Variants in IL3RA observed in about 807,000 individuals in gnomAD.
The protein encoded by IL3RA is interleukin 3 receptor subunit alpha, also known as interleukin-3 receptor subunit alpha.
In IL3RA, 73 loss-of-function variants were observed where a neutral mutation model predicts 52.3. That is an observed-to-expected ratio of 1.40 (90% CI 1.16 to 1.70). The LOEUF (loss-of-function observed/expected upper bound fraction) is 1.70. IL3RA is among the 40% of genes most tolerant of loss of function. IL3RA has a pLI of 0.00. For synonymous variants in IL3RA, 260 were observed against 194.0 expected (o/e 1.34, Z -2.83); for missense variants, 664 against 504.4 (o/e 1.32, Z -3.03).
At chrX:1,352,264 T>A in intron 5 of IL3RA, 32 bp downstream of exon 5, 1 of 1,613,210 alleles carries the variant, frequency 6.2e-7, no homozygotes, top group Non-Finnish European at 8.5e-7. Flanking sequence ...GGCCGGGCTG[T>A]CCCTGGTGCG....
At position 1,348,613 on chromosome X, in the gene IL3RA, G is replaced by C. The variant is rs73178940; in HGVS notation, c.298+68G>C. 28 of 983,610 alleles carry C rather than the reference G, an allele frequency of 2.8e-5. 1 individual carries two copies. The East Asian group carries it at 5.9e-4, about 21-fold the overall frequency. The allele number at this position is 983,610 out of a possible 1,614,324, so 60.9% of individuals were successfully genotyped here. ...CTCCTTCCCTCTCTCCCTCCCTCTC[G>C]CCTTCGCTGTGTCTTTTTTCTTTTC... On this transcript the variant is annotated intron_variant, in intron 4 of 11. Coordinates refer to ENST00000331035, the MANE Select transcript of IL3RA (RefSeq NM_002183.4).
intron 8 of IL3RA, among the ~76,000 whole-genome samples, chrX:1,364,669 G>A (rs1316584590): frequency 6.6e-6 from 1 of 151,504 alleles, no homozygotes; most frequent in African/African-American, 2.4e-5. Context: ...GTAAAGATGG[G>A]GTCTTGCTAT....
chrX:1,362,106 C>A (rs1202700336), intron 8 of IL3RA, among the ~76,000 whole-genome samples: 1 of 150,466 alleles, frequency 6.6e-6, no homozygotes, highest in Admixed American at 6.6e-5. Context: ...GTCCATCACC[C>A]ACTCTGTCTC....
At chrX:1,352,647 A>T (rs1169944573) in intron 6 of IL3RA, 141 bp downstream of exon 6, 1 of 911,184 alleles carries the variant, frequency 1.1e-6, no homozygotes, top group Admixed American at 2.7e-5. Context: ...GTTGGAGGTC[A>T]GCGTGCTGGC....
intron 4 of IL3RA, among the ~76,000 whole-genome samples, chrX:1,351,663 CTG>C (rs1368367438): frequency 7.1e-6 from 1 of 141,532 alleles, no homozygotes; most frequent in Non-Finnish European, 1.5e-5. Context: ...AAGGCTCACT[CTG>C]TCGCCCAGGC....
intron 2 of IL3RA, among the ~76,000 whole-genome samples, chrX:1,343,370 A>G (rs1204801244): frequency 6.6e-6 from 1 of 151,942 alleles, no homozygotes; most frequent in Non-Finnish European, 1.5e-5. Context: ...GTGATAGAAT[A>G]TTGCCTTTTA....
At chrX:1,377,360 C>T (rs1175713650) in intron 9 of IL3RA, among the ~76,000 whole-genome samples, 50 of 151,804 alleles carry the variant, frequency 3.3e-4, no homozygotes, top group African/African-American at 1.2e-3. Context: ...CCTGCCTCAG[C>T]CTTCTGAGTA....
intron 9 of IL3RA, among the ~76,000 whole-genome samples, chrX:1,369,838 T>C (rs1186222788): frequency 1.5e-3 from 51 of 33,222 alleles, no homozygotes; most frequent in East Asian, 1.6e-3. Context: ...GAAGAGGAGA[T>C]GAGGACACAG....
intron 4 of IL3RA, 88 bp downstream of exon 4, chrX:1,348,633 CTTT>C (rs1295961973): frequency 3.8e-6 from 3 of 789,630 alleles, no homozygotes; most frequent in Non-Finnish European, 6.2e-6. Flanking sequence ...TGTCTTTTTT[CTTT>C]TCTTTTTCTC....
intron 3 of IL3RA, among the ~76,000 whole-genome samples, chrX:1,345,788 C>G (rs2085717445): frequency 6.6e-6 from 1 of 151,948 alleles, no homozygotes; most frequent in Admixed American, 6.6e-5. Flanking sequence ...CCGCGCATGG[C>G]CCAGACTCTC....
At chrX:1,361,909 C>T (rs1313032950) in intron 8 of IL3RA, among the ~76,000 whole-genome samples, 5 of 151,958 alleles carry the variant, frequency 3.3e-5, no homozygotes, top group African/African-American at 1.2e-4. Context: ...TCTCACAACA[C>T]GTGGGAGTTA....
Position 1,382,660 on chromosome X carries a change from T to C in IL3RA, c.*195T>C, listed in dbSNP as rs1364977502. 1.7e-6 allele frequency: 1 copy of C among 593,204 alleles called. No individual in the cohort carries two copies. The highest frequency in any genetic ancestry group is 3.0e-6 in the Non-Finnish European group (1 of 331,308). The allele number at this position is 593,204 out of a possible 1,614,324, so 36.7% of individuals were successfully genotyped here. ...AACAGAACTTTGTGTGTTTATTTCA[T>C]GATAAAGTGATTTTTTTTTTTTTAA... On this transcript the variant is annotated 3_prime_UTR_variant, in exon 12 of 12. Transcript: ENST00000331035.
At chrX:1,361,717 C>A (rs1284833665) in intron 8 of IL3RA, among the ~76,000 whole-genome samples, 3 of 142,120 alleles carry the variant, frequency 2.1e-5, no homozygotes, top group Non-Finnish European at 1.5e-5. Flanking sequence ...CGCGCCACTG[C>A]ACTCCAGCCT....
At chrX:1,361,237 A>G (rs1449359779) in intron 8 of IL3RA, among the ~76,000 whole-genome samples, 1 of 144,552 alleles carries the variant, frequency 6.9e-6, no homozygotes, top group Non-Finnish European at 1.5e-5. Context: ...CTCTCCCATT[A>G]TTTCTCTGTG....
intron 3 of IL3RA, among the ~76,000 whole-genome samples, chrX:1,348,153 C>T (rs1428060502): frequency 6.6e-6 from 1 of 150,844 alleles, no homozygotes; most frequent in African/African-American, 2.5e-5. Flanking sequence ...TCGAGACCAG[C>T]CTGACCAACA....
At chrX:1,337,785 G>A (rs1254962147) in intron 1 of IL3RA, among the ~76,000 whole-genome samples, 1 of 143,848 alleles carries the variant, frequency 7.0e-6, no homozygotes, top group Admixed American at 7.0e-5. Context: ...AATATAATGT[G>A]GTCCAGCCAC....
rs868737495 is a variant in IL3RA, at chrX:1,344,903, C to T, written c.65-413C>T. On this transcript the variant is annotated intron_variant, in intron 2 of 11. Coordinates refer to ENST00000331035, the MANE Select transcript of IL3RA (RefSeq NM_002183.4). ...GTTGACCTGGTGCGGTGGCTCATGC[C>T]TGTAATCCCAGCACTTTGGGAGGCT... Among the ~76,000 whole-genome samples the T allele has an allele frequency of 1.3e-3, 189 of 146,828 alleles. 1 individual carries two copies. Among genetic ancestry groups the T allele is most frequent in the African/African-American group, 4.5e-3 (179 of 39,870 alleles).
At chrX:1,378,585 C>G (rs2088959105) in intron 9 of IL3RA, 74 bp from the exon 10 acceptor site, 3 of 1,325,884 alleles carry the variant, frequency 2.3e-6, no homozygotes, top group African/African-American at 2.9e-5. Flanking sequence ...TCCCAGGGCC[C>G]CGGGGAGAGC....
chrX:1,353,022 CT>C (rs1252925175), intron 6 of IL3RA, among the ~76,000 whole-genome samples: 15 of 141,070 alleles, frequency 1.1e-4, no homozygotes, highest in Non-Finnish European at 4.7e-5. Flanking sequence ...ATAGAACCCC[CT>C]ATCATGGATT....
Sources: gnomAD v4.1 joint callset for allele counts (sites outside exome capture counted in the v4.1 genomes callset) on GRCh38, gnomAD v4.1.1 for gene constraint, MANE v1.5 for transcripts, NCBI Gene and HGNC (gene_info 2026-07-23, HGNC 2026-07-21) for gene names.